Variants in RBFOX1 observed in about 807,000 individuals in gnomAD.
RBFOX1 encodes RNA binding fox-1 homolog 1.
RBFOX1 carries 8 observed loss-of-function variants against 57.7 expected under a neutral mutation model. That is an observed-to-expected ratio of 0.14 (90% CI 0.08 to 0.25). RBFOX1 has a LOEUF of 0.25. Among genes scored for constraint, RBFOX1 ranks in the 10% least tolerant of loss-of-function variants. The probability of loss-of-function intolerance (pLI) is 1.00; values close to 1 mark genes in which losing one functional copy is unlikely to be tolerated. For synonymous variants in RBFOX1, 326 were observed against 222.4 expected (o/e 1.47, Z -4.15); for missense variants, 611 against 548.5 (o/e 1.11, Z -1.14).
chr16:5,566,739 C>A (rs373723298), intron 2 of RBFOX1, among the ~76,000 whole-genome samples: 3 of 151,700 alleles, frequency 2.0e-5, no homozygotes, highest in Admixed American at 1.3e-4. Flanking sequence ...ACCTAGAGAG[C>A]TTTCGAATGC....
intron 2 of RBFOX1, among the ~76,000 whole-genome samples, chr16:6,509,568 G>C (rs2096203798): frequency 6.6e-6 from 1 of 152,100 alleles, no homozygotes; most frequent in Non-Finnish European, 1.5e-5. Flanking sequence ...AAATGGGGCT[G>C]GTTCATGGGA....
downstream of RBFOX1, among the ~76,000 whole-genome samples, chr16:5,600,622 C>T (rs1056507757): frequency 2.0e-5 from 3 of 151,998 alleles, no homozygotes; most frequent in Non-Finnish European, 4.4e-5. Flanking sequence ...CTCTAAGGGC[C>T]CACTGCTTGG....
At chr16:5,604,753 C>T (rs1024938930), downstream of RBFOX1, among the ~76,000 whole-genome samples, 4 of 152,106 alleles carry the variant, frequency 2.6e-5, no homozygotes, top group Non-Finnish European at 5.9e-5. Context: ...TATTTCTCTC[C>T]AGCATTTTCC....
chr16:5,755,772 G>T (rs1009946013), intron 3 of RBFOX1, among the ~76,000 whole-genome samples: 2 of 151,992 alleles, frequency 1.3e-5, no homozygotes, highest in African/African-American at 2.4e-5. Context: ...CTAATTTTTT[G>T]TATTTAGTAG....
intron 4 of RBFOX1, among the ~76,000 whole-genome samples, chr16:5,956,275 A>G (rs2059636984): frequency 6.6e-6 from 1 of 152,218 alleles, no homozygotes; most frequent in Non-Finnish European, 1.5e-5. Flanking sequence ...AACTGTTTCA[A>G]AATGAACAAA....
chr16:7,003,925 G>A (rs2093063236), intron 3 of RBFOX1: 2 of 150,466 alleles, frequency 1.3e-5, no homozygotes, highest in South Asian at 2.1e-4. Context: ...TAGGAGAACT[G>A]TCAATAAATT....
At chr16:7,156,439 A>C (rs981358168) in intron 4 of RBFOX1, among the ~76,000 whole-genome samples, 2 of 152,100 alleles carry the variant, frequency 1.3e-5, no homozygotes, top group Admixed American at 1.3e-4. Context: ...ACACATGTAG[A>C]TATGCATATA....
intron 4 of RBFOX1, among the ~76,000 whole-genome samples, chr16:7,115,983 C>G (rs1185985715): frequency 6.6e-6 from 1 of 152,172 alleles, no homozygotes; most frequent in Admixed American, 6.5e-5. Flanking sequence ...ATAATGAAAG[C>G]TCACATATAT....
Position 5,925,582 on chromosome 16 carries a change from A to G in RBFOX1, c.351+58247A>G, listed in dbSNP as rs557059257. ...CAGGTAGTGGTGATGGTTGCATAACATTGTGAATGTACTAAATGCCACTGA... is the reference window on the plus strand; with the variant it reads ...CAGGTAGTGGTGATGGTTGCATAACGTTGTGAATGTACTAAATGCCACTGA... On this transcript the variant is annotated intron_variant, in intron 4 of 19. Transcript: ENST00000641259. Among the ~76,000 whole-genome samples the G allele has an allele frequency of 1.1e-4, 17 of 152,352 alleles. No individual in the cohort carries two copies. The South Asian group carries it at 3.1e-3, about 28-fold the overall frequency.
intron 1 of RBFOX1, among the ~76,000 whole-genome samples, chr16:5,424,380 A>G (rs1256473429): frequency 6.6e-6 from 1 of 152,194 alleles, no homozygotes; most frequent in Non-Finnish European, 1.5e-5. Context: ...GGCGAGCTCC[A>G]TCACCTTGGG....
intron 2 of RBFOX1, among the ~76,000 whole-genome samples, chr16:6,410,475 C>T (rs1034641575): frequency 2.6e-5 from 4 of 151,762 alleles, no homozygotes; most frequent in Admixed American, 2.6e-4. Context: ...CAATGCACGG[C>T]TAATTTTTTG....
intron 1 of RBFOX1, among the ~76,000 whole-genome samples, chr16:6,311,267 G>A (rs927320557): frequency 2.3e-5 from 3 of 130,368 alleles, no homozygotes; most frequent in African/African-American, 5.8e-5. Context: ...CCGTACTCCA[G>A]CCTGGGTGAC....
chr16:6,818,537 T>C (rs1250000845), intron 3 of RBFOX1, among the ~76,000 whole-genome samples: 2 of 152,250 alleles, frequency 1.3e-5, no homozygotes, highest in East Asian at 3.8e-4. Flanking sequence ...CAAGCTGTTG[T>C]AAGATTTAAA....
intron 4 of RBFOX1, among the ~76,000 whole-genome samples, chr16:7,481,603 T>A (rs1428000099): frequency 6.6e-6 from 1 of 152,214 alleles, no homozygotes; most frequent in Non-Finnish European, 1.5e-5. Context: ...ATCTTGCAGA[T>A]AACTACAGCA....
rs138081098 is a variant in RBFOX1, at chr16:7,391,469, C to A, written c.28-126678C>A. Among the ~76,000 whole-genome samples the A allele has an allele frequency of 2.6e-3, 403 of 152,340 alleles. 3 individuals are homozygous for A. The highest frequency in any genetic ancestry group is 8.9e-3 in the African/African-American group (370 of 41,576). ...TTTTCTCCACATCTGGACTTCTTTC[C>A]TCCCTTTCTTGCATAGCTAACACCC... On this transcript the variant is annotated intron_variant, in intron 4 of 15. Coordinates refer to ENST00000550418, the MANE Select transcript of RBFOX1 (RefSeq NM_018723.4).
In RBFOX1 at chr16:7,399,670, G is replaced by T. The variant is rs114730701; in HGVS notation, c.28-118477G>T. The stretch of plus-strand genomic sequence containing the variant: ...CATTCCCCTCTATGTCTTCTGTTCT[G>T]TGTGTCTTCTAAGAATTTGTCGATG... On this transcript the variant is annotated intron_variant, in intron 4 of 15. Transcript: ENST00000550418. 4.1e-3 allele frequency among the ~76,000 whole-genome samples: 617 copies of T among 152,140 alleles called. 2 individuals are homozygous for T. Among genetic ancestry groups the T allele is most frequent in the African/African-American group, 0.014 (588 of 41,488 alleles).
rs915855231 is a variant in RBFOX1, at chr16:6,418,533, T to A, written c.-64+101476T>A. On this transcript the variant is annotated intron_variant, in intron 2 of 15. Coordinates refer to ENST00000550418, the MANE Select transcript of RBFOX1 (RefSeq NM_018723.4). ...CTGCAAGCCTTATTTTTTTTTTTTT[T>A]TTTTTTTTTTGACAGAGTCTGGCTC... Among the ~76,000 whole-genome samples, 5 of 146,674 alleles carry A rather than the reference T, an allele frequency of 3.4e-5. No homozygotes were observed. The East Asian group carries it at 9.9e-4, about 29-fold the overall frequency.
intron 2 of RBFOX1, among the ~76,000 whole-genome samples, chr16:6,342,052 C>G (rs1479162349): frequency 1.3e-5 from 2 of 152,128 alleles, no homozygotes; most frequent in East Asian, 1.9e-4. Context: ...GTTGGGGGGC[C>G]TATTATTCTG....
At chr16:7,438,998 C>T (rs1415713061) in intron 4 of RBFOX1, among the ~76,000 whole-genome samples, 2 of 152,200 alleles carry the variant, frequency 1.3e-5, no homozygotes, top group East Asian at 1.9e-4. Flanking sequence ...TTAATGAGGG[C>T]AGGTCGCGCT....
Sources: gnomAD v4.1 joint callset for allele counts (sites outside exome capture counted in the v4.1 genomes callset) on GRCh38, gnomAD v4.1.1 for gene constraint, MANE v1.5 for transcripts, NCBI Gene and HGNC (gene_info 2026-07-23, HGNC 2026-07-21) for gene names.